The following CYSLTR1 variants were observed in gnomAD, a reference collection of about 807,000 sequenced individuals.
CYSLTR1 encodes the protein cysteinyl leukotriene receptor 1.
CYSLTR1 carries 1 observed loss-of-function variant against 2.1 expected under a neutral mutation model. The observed-to-expected ratio is 0.48, with a 90% CI of 0.17 to 2.28. The LOEUF (loss-of-function observed/expected upper bound fraction) is 2.28, where lower values mean the gene tolerates loss of function less well. Ranked by LOEUF, CYSLTR1 falls within the 30% of genes most tolerant of loss-of-function variation. The pLI, the probability that CYSLTR1 is intolerant of heterozygous loss-of-function variation, is 0.26. For missense variants in CYSLTR1, 299 were observed against 250.1 expected (o/e 1.20, Z -1.32); for synonymous variants, 110 against 89.6 (o/e 1.23, Z -1.28).
chrX:78,308,859 G>T (rs2147269692), intron 1 of CYSLTR1, among the ~76,000 whole-genome samples: 1 of 111,178 alleles, frequency 9.0e-6, no homozygotes, highest in African/African-American at 3.3e-5. Flanking sequence ...GCTTGGCATT[G>T]AATTGGTGGC....
chrX:78,303,122 C>G (rs1019356183), intron 1 of CYSLTR1, among the ~76,000 whole-genome samples: 9 of 111,882 alleles, frequency 8.0e-5, no homozygotes, highest in African/African-American at 2.6e-4. Context: ...TAATTCCCCT[C>G]TGCCTAGGGC....
At chrX:78,316,771 T>C (rs931674382) in intron 1 of CYSLTR1, among the ~76,000 whole-genome samples, 1 of 112,148 alleles carries the variant, frequency 8.9e-6, no homozygotes, top group East Asian at 2.8e-4. Flanking sequence ...GCTGAAATAA[T>C]TGGCAAGCCA....
intron 1 of CYSLTR1, among the ~76,000 whole-genome samples, chrX:78,295,203 T>A (rs1922523357): frequency 8.9e-6 from 1 of 111,812 alleles, no homozygotes; most frequent in Non-Finnish European, 1.9e-5. Context: ...AATGACAGTA[T>A]TAAAGTCATT....
At chrX:78,289,133 G>T (rs1240862003) in intron 1 of CYSLTR1, among the ~76,000 whole-genome samples, 1 of 107,553 alleles carries the variant, frequency 9.3e-6, no homozygotes, top group Non-Finnish European at 1.9e-5. Flanking sequence ...CCCCCGACAG[G>T]CCCTGGTGTG....
At chrX:78,302,741 C>G (rs953862509) in intron 1 of CYSLTR1, among the ~76,000 whole-genome samples, 1 of 110,786 alleles carries the variant, frequency 9.0e-6, no homozygotes, top group African/African-American at 3.3e-5. Flanking sequence ...AAGGGCCTCA[C>G]GACTCTGACT....
intron 1 of CYSLTR1, among the ~76,000 whole-genome samples, chrX:78,293,059 T>A (rs924571308): frequency 9.0e-6 from 1 of 111,553 alleles, no homozygotes; most frequent in African/African-American, 3.3e-5. Context: ...CTTGATGCAG[T>A]TTCTTTAGAG....
At chrX:78,283,205 T>G (rs1921910370) in intron 2 of CYSLTR1, among the ~76,000 whole-genome samples, 1 of 111,716 alleles carries the variant, frequency 9.0e-6, no homozygotes, top group Non-Finnish European at 1.9e-5. Context: ...ATAAGATACT[T>G]AAGACCTCAT....
chrX:78,298,177 T>C (rs1025062694), intron 1 of CYSLTR1, among the ~76,000 whole-genome samples: 5 of 111,717 alleles, frequency 4.5e-5, no homozygotes, highest in Non-Finnish European at 7.6e-5. Flanking sequence ...TGTATTTGTA[T>C]AGTTTCCAAA....
chrX:78,320,031 T>C (rs2147276659), intron 1 of CYSLTR1: 1 of 112,121 alleles, frequency 8.9e-6, no homozygotes, highest in East Asian at 2.8e-4. Context: ...ATGAGTAGAT[T>C]GCAAAAATTT....
chrX:78,281,269 A>ATT (rs199904181), intron 2 of CYSLTR1, among the ~76,000 whole-genome samples: 8 of 97,789 alleles, frequency 8.2e-5, no homozygotes, highest in Non-Finnish European at 1.0e-4. Context: ...TTATGTTTTA[A>ATT]TTTTTTTTTT....
rs750311589 is a variant in CYSLTR1, at chrX:78,272,660, T to G, written c.*73A>C. On this transcript the variant is annotated 3_prime_UTR_variant, in exon 3 of 3. Transcript: ENST00000373304. The stretch of plus-strand genomic sequence containing the variant: ...AAATATTAAGTAAAATTTTTATTTT[T>G]TTTGTAAATGATTTGACAAAATACT... 3.7e-5 allele frequency: 37 copies of G among 1,008,643 alleles called. No individual in the cohort carries two copies. Among genetic ancestry groups the G allele is most frequent in the Non-Finnish European group, 4.7e-5 (36 of 769,868 alleles). 83.1% of individuals were successfully genotyped at this position (1,008,643 alleles called of 1,213,427 possible).
chrX:78,273,898 C>T (rs1921443157), intron 2 of CYSLTR1, 125 bp from the exon 3 acceptor site: 1 of 550,830 alleles, frequency 1.8e-6, no homozygotes, highest in Non-Finnish European at 2.8e-6. Context: ...AGTAGTGAGG[C>T]ATTGAGGAGG....
At chrX:78,319,697 C>T (rs763766833) in intron 1 of CYSLTR1, 49 of 112,011 alleles carry the variant, frequency 4.4e-4, no homozygotes, top group African/African-American at 1.6e-3. Context: ...CACAGACTTC[C>T]ACAATGGTTG....
rs1264384514 is a variant in CYSLTR1 at position 78,273,487 on chromosome X, C to T, written c.260G>A (p.Gly87Asp). 2 of 1,209,945 alleles carry T rather than the reference C, an allele frequency of 1.7e-6. No individual in the cohort carries two copies. Among genetic ancestry groups the T allele is most frequent in the Admixed American group, 2.2e-5 (1 of 45,644 alleles). ...CAAGAAGTCACCAAAGAGCCAAATG[C>T]CTTTGTGAACATAATAGACCACACG... Reference protein sequence around the residue: ...PLRVVYYVHKGIWLFGDFLCR... With the variant: ...PLRVVYYVHKDIWLFGDFLCR... Residue 87 changes from glycine to aspartate, a missense_variant, in exon 3 of 3, where the codon GGC becomes GAC. Gly to Asp is a moderately conservative substitution (Grantham distance 94). Coordinates refer to ENST00000373304, the MANE Select transcript of CYSLTR1 (RefSeq NM_006639.4).
At chrX:78,318,987 G>A (rs1923529993) in intron 1 of CYSLTR1, 1 of 109,728 alleles carries the variant, frequency 9.1e-6, no homozygotes, top group Non-Finnish European at 1.9e-5. Flanking sequence ...TAATCAAGAG[G>A]TGAACCTGGC....
rs1921282696 is a variant in CYSLTR1, at chrX:78,272,031, C to A, written c.*702G>T. The A allele has an allele frequency of 8.9e-6, 1 of 111,805 alleles. No individual in the cohort carries two copies. Among genetic ancestry groups the A allele is most frequent in the Non-Finnish European group, 1.9e-5 (1 of 53,140 alleles). The allele number at this position is 111,805 out of a possible 1,213,427, so 9.2% of individuals were successfully genotyped here. On this transcript the variant is annotated 3_prime_UTR_variant, in exon 3 of 3. Transcript: ENST00000373304. ...GAACCTCACTGAGCAGCTAAAACTC[C>A]ACTATTCAATTTTGGGAGCCTGAGG...
At position 78,302,186 on chromosome X, in the gene CYSLTR1, T is replaced by C. The variant is rs7877312; in HGVS notation, c.-114-18646A>G. 3.8e-3 allele frequency among the ~76,000 whole-genome samples: 429 copies of C among 112,030 alleles called. 1 individual carries two copies. The highest frequency in any genetic ancestry group is 0.013 in the African/African-American group (408 of 30,866). ...AAGGCAGAGGAGCCTCACCCCATGGTCACTGCCACCTCAAGCCCAAAGGGT... is the reference window on the plus strand; with the variant it reads ...AAGGCAGAGGAGCCTCACCCCATGGCCACTGCCACCTCAAGCCCAAAGGGT... On this transcript the variant is annotated intron_variant, in intron 1 of 2. Coordinates refer to ENST00000373304, the MANE Select transcript of CYSLTR1 (RefSeq NM_006639.4).
At chrX:78,281,291 G>A (rs1185461089) in intron 2 of CYSLTR1, among the ~76,000 whole-genome samples, 1 of 106,054 alleles carries the variant, frequency 9.4e-6, no homozygotes, top group Non-Finnish European at 1.9e-5. Context: ...TTTTGAGACA[G>A]GGTCTCACTC....
intron 1 of CYSLTR1, among the ~76,000 whole-genome samples, chrX:78,300,630 A>T (rs1310524851): frequency 1.8e-5 from 2 of 112,387 alleles, no homozygotes; most frequent in Non-Finnish European, 3.8e-5. Context: ...TTCCAAACAA[A>T]CAGTGATATA....
Sources: gnomAD v4.1 joint callset for allele counts (sites outside exome capture counted in the v4.1 genomes callset) on GRCh38, gnomAD v4.1.1 for gene constraint, MANE v1.5 for transcripts, NCBI Gene and HGNC (gene_info 2026-07-23, HGNC 2026-07-21) for gene names.